Variants in GPHN observed in about 807,000 individuals in gnomAD.
GPHN encodes gephyrin.
GPHN carries 17 observed loss-of-function variants against 95.5 expected under a neutral mutation model. The observed-to-expected ratio is 0.18, with a 90% CI of 0.12 to 0.27. The LOEUF is 0.27. GPHN is among the 10% of genes least tolerant of loss of function. GPHN has a pLI of 1.00. For missense variants in GPHN, 660 were observed against 978.1 expected, an observed-to-expected ratio of 0.67 and a Z score of 4.34; for synonymous variants, 320 against 322.5, an observed-to-expected ratio of 0.99 and a Z score of 0.08.
chr14:67,674,227 T>A, the GPHN span: 4 of 648,478 alleles, frequency 6.2e-6, no homozygotes, highest in East Asian at 1.2e-4. Context: ...CAGGGAGACC[T>A]GGGGCTGGGA....
intron 3 of GPHN, among the ~76,000 whole-genome samples, chr14:66,814,820 A>G (rs1219699940): frequency 6.6e-6 from 1 of 152,158 alleles, no homozygotes; most frequent in Non-Finnish European, 1.5e-5. Context: ...AGATGGCTGA[A>G]ATGACAGAAA....
intron 2 of GPHN, among the ~76,000 whole-genome samples, chr14:66,748,509 A>G (rs2058246292): frequency 6.6e-6 from 1 of 151,196 alleles, no homozygotes; most frequent in Non-Finnish European, 1.5e-5. Context: ...TTGCCATTGA[A>G]GCTACATTGA....
At chr14:66,640,929 G>C (rs1283294470) in intron 1 of GPHN, among the ~76,000 whole-genome samples, 1 of 152,056 alleles carries the variant, frequency 6.6e-6, no homozygotes, top group African/African-American at 2.4e-5. Flanking sequence ...AATATAAATT[G>C]ACTAATTATT....
chr14:67,397,089 C>T, the GPHN span, among the ~76,000 whole-genome samples: 17 of 152,236 alleles, frequency 1.1e-4, 1 homozygote, highest in East Asian at 1.5e-3. Flanking sequence ...CAGGCCACTG[C>T]GACCACGCTC....
chr14:67,296,292 A>T, the GPHN span, among the ~76,000 whole-genome samples: 1 of 152,106 alleles, frequency 6.6e-6, no homozygotes, highest in Admixed American at 6.5e-5. Flanking sequence ...TAAGCATAGG[A>T]CTTAATGTTA....
the GPHN span, chr14:67,515,251 C>T: frequency 6.5e-6 from 1 of 152,862 alleles, no homozygotes; most frequent in Non-Finnish European, 1.5e-5. Flanking sequence ...AAGCCCGGCG[C>T]TCTGGCTCCC....
At chr14:67,153,981 G>T (rs1172671634) in intron 18 of GPHN, among the ~76,000 whole-genome samples, 1 of 152,138 alleles carries the variant, frequency 6.6e-6, no homozygotes, top group Non-Finnish European at 1.5e-5. Flanking sequence ...AATGAAAAGG[G>T]CTATTTTTAA....
intron 9 of GPHN, among the ~76,000 whole-genome samples, chr14:67,015,532 A>C (rs2073257958): frequency 6.6e-6 from 1 of 152,106 alleles, no homozygotes; most frequent in African/African-American, 2.4e-5. Context: ...CCTCATCTCT[A>C]CTAAAAATAC....
chr14:67,069,143 A>G (rs761910073), intron 11 of GPHN, among the ~76,000 whole-genome samples: 1 of 152,214 alleles, frequency 6.6e-6, no homozygotes, highest in African/African-American at 2.4e-5. Context: ...TCTCCCTCCT[A>G]TGCAAAATGG....
intron 2 of GPHN, among the ~76,000 whole-genome samples, chr14:66,749,434 A>G (rs1193767837): frequency 1.3e-5 from 2 of 151,968 alleles, no homozygotes; most frequent in African/African-American, 4.8e-5. Flanking sequence ...CTTCCAAAGT[A>G]GCTATACCAT....
the GPHN span, among the ~76,000 whole-genome samples, chr14:67,225,958 T>TGTGTGTGA: frequency 7.7e-6 from 1 of 130,110 alleles, no homozygotes; most frequent in African/African-American, 3.4e-5. Flanking sequence ...TGTGTGTGTG[T>TGTGTGTGA]GTGTGCGCGC....
chr14:66,786,073 A>C (rs1470783996), intron 3 of GPHN, among the ~76,000 whole-genome samples: 1 of 151,786 alleles, frequency 6.6e-6, no homozygotes. Flanking sequence ...AAAATTGAAA[A>C]CAGGAAAACA....
intron 11 of GPHN, among the ~76,000 whole-genome samples, chr14:67,066,762 T>G (rs938380452): frequency 6.6e-6 from 1 of 152,332 alleles, no homozygotes; most frequent in East Asian, 1.9e-4. Flanking sequence ...TTCTCGTGCC[T>G]TGGTTTTCAG....
At chr14:66,987,833 G>A (rs1240885793) in intron 9 of GPHN, among the ~76,000 whole-genome samples, 5 of 152,100 alleles carry the variant, frequency 3.3e-5, no homozygotes, top group African/African-American at 1.2e-4. Context: ...GCCAAAGGCA[G>A]TGAGAAATGT....
chr14:67,691,201 C>T, the GPHN span: 1 of 1,614,098 alleles, frequency 6.2e-7, no homozygotes, highest in Non-Finnish European at 8.5e-7. Flanking sequence ...ACGGACACAT[C>T]ATCACTCCTG....
intron 18 of GPHN, among the ~76,000 whole-genome samples, chr14:67,155,085 T>G (rs1332684625): frequency 2.6e-5 from 4 of 152,170 alleles, no homozygotes; most frequent in Non-Finnish European, 5.9e-5. Flanking sequence ...AAGAAGCTAA[T>G]GAAATAAGCA....
chr14:67,585,428 ATC>A, the GPHN span: 1 of 654,762 alleles, frequency 1.5e-6, no homozygotes, highest in East Asian at 2.7e-5. Context: ...CTGTACAAAT[ATC>A]ATCTTTGTTT....
At chr14:67,731,768 T>G in the GPHN span, among the ~76,000 whole-genome samples, 1 of 151,968 alleles carries the variant, frequency 6.6e-6, no homozygotes, top group Admixed American at 6.6e-5. Flanking sequence ...CCAGGGAGTT[T>G]TAGGGAGAGC....
At chr14:67,724,444 C>T in the GPHN span, 66 of 1,322,658 alleles carry the variant, frequency 5.0e-5, no homozygotes, top group Admixed American at 1.0e-4. Flanking sequence ...AAGGATGGTA[C>T]GTGATGCTCT....
Sources: gnomAD v4.1 joint callset for allele counts (sites outside exome capture counted in the v4.1 genomes callset) on GRCh38, gnomAD v4.1.1 for gene constraint, MANE v1.5 for transcripts, NCBI Gene and HGNC (gene_info 2026-07-23, HGNC 2026-07-21) for gene names.